ETFBKMT: variants seen among roughly 807,000 people sequenced by gnomAD.
ETFBKMT encodes electron transfer flavoprotein subunit beta lysine methyltransferase.
A neutral mutation model predicts 18.3 loss-of-function variants in ETFBKMT; 13 were observed. The observed-to-expected ratio is 0.71, with a 90% CI of 0.46 to 1.13. The LOEUF is 1.13. Ranked by LOEUF, ETFBKMT falls within the 50% of genes most tolerant of loss-of-function variation. The probability of loss-of-function intolerance (pLI) is 0.00; values close to 1 mark genes in which losing one functional copy is unlikely to be tolerated. For synonymous variants in ETFBKMT, 84 were observed against 107.9 expected, an observed-to-expected ratio of 0.78 and a Z score of 1.37; for missense variants, 293 against 306.2, an observed-to-expected ratio of 0.96 and a Z score of 0.32.
At chr12:31,655,507 C>T (rs900663628), upstream of ETFBKMT, among the ~76,000 whole-genome samples, 11 of 152,130 alleles carry the variant, frequency 7.2e-5, no homozygotes, top group Non-Finnish European at 1.0e-4. Flanking sequence ...AATTTCACAC[C>T]GACTGTGTCA....
intron 1 of ETFBKMT, among the ~76,000 whole-genome samples, chr12:31,651,835 A>G (rs147343634): frequency 5.9e-4 from 90 of 152,304 alleles, no homozygotes; most frequent in Middle Eastern, 6.8e-3. Flanking sequence ...TTTCTTTTTC[A>G]TGAAAAGCAG....
chr12:31,664,371 G>C (rs1034104765), intron 2 of ETFBKMT, among the ~76,000 whole-genome samples: 3 of 152,052 alleles, frequency 2.0e-5, no homozygotes, highest in South Asian at 2.1e-4. Flanking sequence ...CTCTTGGATT[G>C]AGTTTACTAA....
Position 31,672,347 on chromosome 12 carries a change from A to G in ETFBKMT, c.*4357A>G. ...CACTTGCTTTAGTTTGTTTGGGCCT[A>G]CTAATTGCTCCAACACTTCTCGGGA... On this transcript the variant is annotated 3_prime_UTR_variant, in exon 4 of 4. Transcript: ENST00000357721. The G allele has an allele frequency of 6.3e-7, 1 of 1,578,836 alleles. No individual in the cohort carries two copies. The highest frequency in any genetic ancestry group is 8.6e-7 in the Non-Finnish European group (1 of 1,160,282).
At chr12:31,664,735 C>T (rs1476919686) in intron 2 of ETFBKMT, among the ~76,000 whole-genome samples, 2 of 151,408 alleles carry the variant, frequency 1.3e-5, no homozygotes, top group Admixed American at 1.3e-4. Flanking sequence ...TCTGCCTCAG[C>T]CTCCCGAGTA....
At chr12:31,658,747 A>C (rs1486219172), upstream of ETFBKMT, among the ~76,000 whole-genome samples, 1 of 152,088 alleles carries the variant, frequency 6.6e-6, no homozygotes, top group Non-Finnish European at 1.5e-5. Flanking sequence ...TTGAGTGTTG[A>C]GTTGAGGGGC....
upstream of ETFBKMT, chr12:31,659,205 C>G (rs1199610167): frequency 2.6e-5 from 4 of 152,258 alleles, no homozygotes; most frequent in African/African-American, 9.6e-5. Context: ...GGGCCGCCGT[C>G]CGTCCCGCCC....
rs772805619 is a variant in ETFBKMT at position 31,648,719 on chromosome 12, G to A, written c.-114+1464G>A. 2.0e-4 allele frequency among the ~76,000 whole-genome samples: 31 copies of A among 152,096 alleles called. 1 individual carries two copies. The East Asian group carries it at 2.1e-3, about 10-fold the overall frequency. ...TGGGGCTACAGGGGCCCACCACCACGCCTGGCTAAGTTTTTGTATTTTTAG... is the reference window on the plus strand; with the variant it reads ...TGGGGCTACAGGGGCCCACCACCACACCTGGCTAAGTTTTTGTATTTTTAG... On this transcript the variant is annotated intron_variant, in intron 1 of 3. Coordinates refer to the ETFBKMT transcript ENST00000412352.
intron 1 of ETFBKMT, among the ~76,000 whole-genome samples, chr12:31,653,327 C>G (rs1320249798): frequency 6.6e-6 from 1 of 152,078 alleles, no homozygotes; most frequent in African/African-American, 2.4e-5. Context: ...TTAGCTGAAG[C>G]ACACTTGGCC....
intron 1 of ETFBKMT, among the ~76,000 whole-genome samples, chr12:31,660,278 A>G (rs894604327): frequency 3.3e-5 from 5 of 151,686 alleles, no homozygotes; most frequent in African/African-American, 1.2e-4. Flanking sequence ...GCCTTTTTGA[A>G]CTGTTTGAAA....
Position 31,671,358 on chromosome 12 carries a change from A to G in ETFBKMT, c.*3368A>G, listed in dbSNP as rs1325615536. 3 of 152,190 alleles carry G rather than the reference A, an allele frequency of 2.0e-5. No individual in the cohort carries two copies. Among genetic ancestry groups the G allele is most frequent in the Non-Finnish European group, 2.9e-5 (2 of 68,034 alleles). The allele number at this position is 152,190 out of a possible 1,614,324, so 9.4% of individuals were successfully genotyped here. On this transcript the variant is annotated 3_prime_UTR_variant, in exon 4 of 4. Coordinates refer to ENST00000357721, the MANE Select transcript of ETFBKMT (RefSeq NM_001135863.2). ...CCCCAACATATACAAGAAAGTTAGC[A>G]TACTTACCCCGTTTTTCACTACATC...
chr12:31,656,692 T>C (rs1481143187), upstream of ETFBKMT, among the ~76,000 whole-genome samples: 1 of 152,230 alleles, frequency 6.6e-6, no homozygotes, highest in Non-Finnish European at 1.5e-5. Flanking sequence ...TCCAATTCTT[T>C]CCATCCCTAT....
At chr12:31,649,704 T>C (rs904816541) in intron 1 of ETFBKMT, among the ~76,000 whole-genome samples, 5 of 152,110 alleles carry the variant, frequency 3.3e-5, no homozygotes, top group Non-Finnish European at 1.5e-5. Context: ...TCTATTGTAA[T>C]TGTTTTGGAG....
At chr12:31,665,626 G>A (rs553215406) in intron 2 of ETFBKMT, among the ~76,000 whole-genome samples, 57 of 152,212 alleles carry the variant, frequency 3.7e-4, no homozygotes, top group East Asian at 3.1e-3. Context: ...GAAATCAGGC[G>A]TCTCACAGCC....
In ETFBKMT at chr12:31,672,285, G is replaced by T. The variant is rs1565756021; in HGVS notation, c.*4295G>T. The T allele has an allele frequency of 6.5e-7, 1 of 1,547,716 alleles. No homozygotes were observed. Among genetic ancestry groups the T allele is most frequent in the South Asian group, 1.2e-5 (1 of 84,404 alleles). Reference sequence around the variant, plus strand: ...AGTTTTGATAAGCTTTCCTAGCATTGATCATCTTCAAAAAAGCATCAATAA... The same window carrying T: ...AGTTTTGATAAGCTTTCCTAGCATTTATCATCTTCAAAAAAGCATCAATAA... On this transcript the variant is annotated 3_prime_UTR_variant, in exon 4 of 4. Coordinates refer to ENST00000357721, the MANE Select transcript of ETFBKMT (RefSeq NM_001135863.2).
chr12:31,662,643 T>C (rs1455482449), intron 2 of ETFBKMT, among the ~76,000 whole-genome samples: 1 of 151,966 alleles, frequency 6.6e-6, no homozygotes, highest in Non-Finnish European at 1.5e-5. Context: ...GTTAGCCATA[T>C]TTTTTGTTGC....
At chr12:31,656,920 T>G (rs1429181489), upstream of ETFBKMT, among the ~76,000 whole-genome samples, 1 of 152,218 alleles carries the variant, frequency 6.6e-6, no homozygotes, top group African/African-American at 2.4e-5. Flanking sequence ...ATAATGATCA[T>G]CACTGTAATA....
At chr12:31,648,274 C>T (rs1363956375) in intron 1 of ETFBKMT, among the ~76,000 whole-genome samples, 1 of 151,860 alleles carries the variant, frequency 6.6e-6, no homozygotes, top group Non-Finnish European at 1.5e-5. Flanking sequence ...TCCATGGATG[C>T]TTGAGTTCCT....
upstream of ETFBKMT, among the ~76,000 whole-genome samples, chr12:31,658,048 C>T (rs1221799653): frequency 6.6e-6 from 1 of 152,100 alleles, no homozygotes; most frequent in Non-Finnish European, 1.5e-5. Flanking sequence ...AGCTTTTTTC[C>T]AGGAACCAAC....
At chr12:31,655,815 C>T (rs1420567435), upstream of ETFBKMT, among the ~76,000 whole-genome samples, 1 of 152,184 alleles carries the variant, frequency 6.6e-6, no homozygotes, top group East Asian at 1.9e-4. Flanking sequence ...GTTTCTGTGA[C>T]TCAGGGTTTT....
Sources: gnomAD v4.1 joint callset for allele counts (sites outside exome capture counted in the v4.1 genomes callset) on GRCh38, gnomAD v4.1.1 for gene constraint, MANE v1.5 for transcripts, NCBI Gene and HGNC (gene_info 2026-07-23, HGNC 2026-07-21) for gene names.